Variants in IQCJ observed in about 807,000 individuals in gnomAD.
The protein encoded by IQCJ is IQ motif containing J, also known as IQ domain-containing protein J.
Under a neutral mutation model 11.0 loss-of-function variants are expected in IQCJ, and 9 were observed. That is an observed-to-expected ratio of 0.82 (90% CI 0.49 to 1.43). The LOEUF is 1.43. Among genes scored for constraint, IQCJ ranks in the 40% most tolerant of loss-of-function variants. IQCJ has a pLI of 0.00. For synonymous variants in IQCJ, 55 were observed against 51.3 expected (o/e 1.07, Z -0.31); for missense variants, 146 against 133.2 (o/e 1.10, Z -0.47).
At chr3:159,212,985 T>C (rs1394754076) in intron 1 of IQCJ, among the ~76,000 whole-genome samples, 1 of 152,154 alleles carries the variant, frequency 6.6e-6, no homozygotes, top group African/African-American at 2.4e-5. Flanking sequence ...TTTTTGTTGA[T>C]ATTGGGTGAT....
intron 1 of IQCJ, among the ~76,000 whole-genome samples, chr3:159,089,523 T>C (rs1197171709): frequency 6.6e-6 from 1 of 151,922 alleles, no homozygotes; most frequent in East Asian, 1.9e-4. Context: ...GTTTTCCAGC[T>C]TGGTTCCATT....
At chr3:159,243,054 C>A (rs1213846499) in intron 1 of IQCJ, among the ~76,000 whole-genome samples, 4 of 152,068 alleles carry the variant, frequency 2.6e-5, no homozygotes, top group Non-Finnish European at 5.9e-5. Flanking sequence ...TAAGATATCA[C>A]AAATCCAGGA....
intron 1 of IQCJ, among the ~76,000 whole-genome samples, chr3:159,073,569 C>A (rs1413515374): frequency 1.3e-5 from 2 of 152,092 alleles, no homozygotes; most frequent in African/African-American, 4.8e-5. Flanking sequence ...GAATTGATCT[C>A]ATCATAGTCC....
At chr3:159,193,718 C>T (rs73877539) in intron 1 of IQCJ, among the ~76,000 whole-genome samples, 7,171 of 152,224 alleles carry the variant, frequency 0.047, 537 homozygotes, top group African/African-American at 0.16. Context: ...ATGTAATCAA[C>T]TTGCCACCAG....
chr3:159,138,043 C>T (rs1720397395), intron 1 of IQCJ, among the ~76,000 whole-genome samples: 1 of 152,164 alleles, frequency 6.6e-6, no homozygotes, highest in South Asian at 2.1e-4. Flanking sequence ...ATATTAACCA[C>T]ATTTCTTGGA....
At chr3:159,225,984 C>T (rs1273339748) in intron 1 of IQCJ, among the ~76,000 whole-genome samples, 1 of 152,154 alleles carries the variant, frequency 6.6e-6, no homozygotes, top group East Asian at 1.9e-4. Flanking sequence ...CTATAAAGAA[C>T]ACAATTCATA....
chr3:159,172,411 G>T (rs1722528932), intron 1 of IQCJ, among the ~76,000 whole-genome samples: 1 of 149,764 alleles, frequency 6.7e-6, no homozygotes, highest in Non-Finnish European at 1.5e-5. Flanking sequence ...GTCATGCTAA[G>T]ATGATGGAAT....
chr3:159,218,775 T>G (rs537310511), intron 1 of IQCJ, among the ~76,000 whole-genome samples: 71 of 152,272 alleles, frequency 4.7e-4, no homozygotes, highest in African/African-American at 1.7e-3. Flanking sequence ...TATCACAAAC[T>G]TAGTGGCTTA....
chr3:159,154,127 C>A (rs1481034245), intron 1 of IQCJ, among the ~76,000 whole-genome samples: 1 of 152,170 alleles, frequency 6.6e-6, no homozygotes, highest in African/African-American at 2.4e-5. Context: ...AATCTAAACC[C>A]CCAAATTGTC....
intron 1 of IQCJ, among the ~76,000 whole-genome samples, chr3:159,191,455 T>C (rs1411373883): frequency 6.6e-6 from 1 of 152,172 alleles, no homozygotes; most frequent in East Asian, 1.9e-4. Context: ...TTGCTCAGTT[T>C]TGATTTTTCC....
intron 1 of IQCJ, among the ~76,000 whole-genome samples, chr3:159,158,713 G>C (rs78607526): frequency 0.021 from 3,156 of 152,224 alleles, 118 homozygotes; most frequent in African/African-American, 0.073. Context: ...GAGTAGAATT[G>C]GCAGTACCTG....
intron 1 of IQCJ, among the ~76,000 whole-genome samples, chr3:159,139,497 T>G (rs907015716): frequency 1.3e-5 from 2 of 152,208 alleles, no homozygotes; most frequent in Non-Finnish European, 2.9e-5. Flanking sequence ...CGGTCCTCTC[T>G]CATGAGGTCC....
intron 3 of IQCJ, among the ~76,000 whole-genome samples, chr3:159,258,647 T>A (rs1027322825): frequency 6.6e-6 from 1 of 152,210 alleles, no homozygotes; most frequent in Non-Finnish European, 1.5e-5. Flanking sequence ...CTTTTGTCCA[T>A]CCCTAAATTC....
intron 1 of IQCJ, among the ~76,000 whole-genome samples, chr3:159,085,024 G>A (rs937009104): frequency 2.0e-5 from 3 of 151,484 alleles, no homozygotes; most frequent in Admixed American, 6.6e-5. Context: ...CCACTAACTC[G>A]TCATCTAGCA....
chr3:159,092,552 G>A (rs1445610030), intron 1 of IQCJ, among the ~76,000 whole-genome samples: 4 of 151,680 alleles, frequency 2.6e-5, no homozygotes, highest in Non-Finnish European at 5.9e-5. Flanking sequence ...TAAAAAATTA[G>A]CCAGGCGTGG....
chr3:159,263,320 C>T lies in IQCJ; in HGVS notation c.*589C>T, dbSNP rs547712301. ...AGAAATCTGCATTTTTAAGTGTTAG[C>T]AGCCAGTAAGAAAATTTAAAAGGTA... On this transcript the variant is annotated 3_prime_UTR_variant, in exon 4 of 4. Coordinates refer to ENST00000397832, the MANE Select transcript of IQCJ (RefSeq NM_001042706.3). 1.7e-5 allele frequency: 8 copies of T among 484,014 alleles called. No individual in the cohort carries two copies. The South Asian group carries it at 6.2e-4, about 38-fold the overall frequency. The allele number at this position is 484,014 out of a possible 1,614,324, so 30.0% of individuals were successfully genotyped here.
At chr3:159,177,892 A>G (rs908233680) in intron 1 of IQCJ, among the ~76,000 whole-genome samples, 7 of 152,224 alleles carry the variant, frequency 4.6e-5, no homozygotes, top group African/African-American at 1.2e-4. Flanking sequence ...TGTTGCCTCA[A>G]TTTAGTTCAA....
chr3:159,142,276 C>CA (rs1720646750), intron 1 of IQCJ, among the ~76,000 whole-genome samples: 1 of 152,092 alleles, frequency 6.6e-6, no homozygotes, highest in African/African-American at 2.4e-5. Flanking sequence ...TGTTCAGAGG[C>CA]AAAAAACTGC....
intron 1 of IQCJ, among the ~76,000 whole-genome samples, chr3:159,134,333 G>A (rs1465615604): frequency 6.6e-6 from 1 of 152,130 alleles, no homozygotes; most frequent in East Asian, 1.9e-4. Flanking sequence ...GCAAGTCATA[G>A]GTCTCTTCTA....
Sources: gnomAD v4.1 joint callset for allele counts (sites outside exome capture counted in the v4.1 genomes callset) on GRCh38, gnomAD v4.1.1 for gene constraint, MANE v1.5 for transcripts, NCBI Gene and HGNC (gene_info 2026-07-23, HGNC 2026-07-21) for gene names.